Variants in INPP4B observed in about 807,000 individuals in gnomAD.
INPP4B encodes the protein inositol polyphosphate 4-phosphatase type II.
Under a neutral mutation model 122.5 loss-of-function variants are expected in INPP4B, and 55 were observed. That is an observed-to-expected ratio of 0.45 (90% CI 0.36 to 0.56). INPP4B has a LOEUF of 0.56. INPP4B is among the 20% of genes least tolerant of loss of function. The pLI is 0.00. For synonymous variants in INPP4B, 403 were observed against 388.7 expected, an observed-to-expected ratio of 1.04 and a Z score of -0.43; for missense variants, 1,000 against 1,097.7, an observed-to-expected ratio of 0.91 and a Z score of 1.26.
chr4:142,569,785 G>C (rs1323891071), intron 2 of INPP4B, among the ~76,000 whole-genome samples: 1 of 151,988 alleles, frequency 6.6e-6, no homozygotes, highest in Non-Finnish European at 1.5e-5. Flanking sequence ...TAAAACAAAG[G>C]TCCGCATGAA....
chr4:142,584,138 C>A (rs1328208535), intron 2 of INPP4B, among the ~76,000 whole-genome samples: 1 of 151,144 alleles, frequency 6.6e-6, no homozygotes. Flanking sequence ...GTTTTTTTTT[C>A]TTTTCTTTAC....
intron 2 of INPP4B, among the ~76,000 whole-genome samples, chr4:142,588,116 A>G (rs973992719): frequency 6.6e-6 from 1 of 151,930 alleles, no homozygotes; most frequent in Non-Finnish European, 1.5e-5. Flanking sequence ...TTCAACATGT[A>G]TTCAAAATAA....
At chr4:142,624,996 C>G (rs1396047686) in intron 2 of INPP4B, among the ~76,000 whole-genome samples, 1 of 150,778 alleles carries the variant, frequency 6.6e-6, no homozygotes, top group African/African-American at 2.4e-5. Context: ...ATAATAAGAG[C>G]TATCTATGAC....
intron 17 of INPP4B, among the ~76,000 whole-genome samples, chr4:142,153,374 A>G (rs1041665598): frequency 6.6e-6 from 1 of 152,174 alleles, no homozygotes; most frequent in African/African-American, 2.4e-5. Context: ...GAGTTAAAAA[A>G]CTTTCTGTTT....
intron 2 of INPP4B, among the ~76,000 whole-genome samples, chr4:142,570,925 T>G (rs1386753400): frequency 6.6e-6 from 1 of 151,912 alleles, no homozygotes; most frequent in Admixed American, 6.6e-5. Context: ...TCAGACCTTC[T>G]TTCTTATTCT....
chr4:142,041,624 A>ATAC (rs1747612897), intron 25 of INPP4B, among the ~76,000 whole-genome samples: 3 of 151,800 alleles, frequency 2.0e-5, no homozygotes, highest in Admixed American at 6.6e-5. Context: ...ATCTCAAATA[A>ATAC]TACTACTACT....
intron 5 of INPP4B, among the ~76,000 whole-genome samples, chr4:142,406,552 A>G (rs1803414986): frequency 6.6e-6 from 1 of 152,216 alleles, no homozygotes; most frequent in African/African-American, 2.4e-5. Context: ...TCGGAATGAA[A>G]CAGGCTTGGT....
chr4:142,816,219 T>C (rs77275343), intron 1 of INPP4B, among the ~76,000 whole-genome samples: 12,501 of 152,224 alleles, frequency 0.082, 943 homozygotes, highest in African/African-American at 0.2. Context: ...CTATTCTTCA[T>C]TTTTAGGGTT....
At chr4:142,768,936 G>A (rs1389106275) in intron 1 of INPP4B, among the ~76,000 whole-genome samples, 3 of 152,142 alleles carry the variant, frequency 2.0e-5, no homozygotes, top group Non-Finnish European at 4.4e-5. Flanking sequence ...ATGGAGGATC[G>A]ATTTGTAGAA....
At chr4:142,458,026 G>C (rs567837720) in intron 3 of INPP4B, among the ~76,000 whole-genome samples, 2 of 152,186 alleles carry the variant, frequency 1.3e-5, no homozygotes, top group Non-Finnish European at 2.9e-5. Context: ...GCTTTTAGTG[G>C]CTTTTAAAAA....
rs148919078 is a variant in INPP4B at position 142,661,108 on chromosome 4, T to C, written c.-191+64731A>G. ...GCCTCGTCGTCTTCCTGTGTGGACC[T>C]GGGATTCAAACGCCAGGCAGGTGTT... On this transcript the variant is annotated intron_variant, in intron 2 of 25. Coordinates refer to ENST00000262992, the MANE Select transcript of INPP4B (RefSeq NM_001101669.3). Among the ~76,000 whole-genome samples the C allele has an allele frequency of 5.2e-3, 793 of 152,284 alleles. 3 individuals carry two copies. The highest frequency in any genetic ancestry group is 0.02 in the Middle Eastern group (6 of 294).
chr4:142,648,648 G>A (rs1437210659), intron 2 of INPP4B, among the ~76,000 whole-genome samples: 1 of 152,220 alleles, frequency 6.6e-6, no homozygotes, highest in Non-Finnish European at 1.5e-5. Flanking sequence ...GGCTTGAGTA[G>A]GTAAACAAAG....
At chr4:142,169,976 T>C (rs1178995040) in intron 16 of INPP4B, among the ~76,000 whole-genome samples, 1 of 151,724 alleles carries the variant, frequency 6.6e-6, no homozygotes, top group Non-Finnish European at 1.5e-5. Context: ...GAGAGATACG[T>C]GAACACTGTC....
chr4:142,105,020 A>C (rs1303005477), intron 23 of INPP4B, among the ~76,000 whole-genome samples: 2 of 152,152 alleles, frequency 1.3e-5, no homozygotes, highest in Admixed American at 1.3e-4. Context: ...AAGATTCAGC[A>C]AAGATTTACA....
chr4:142,387,679 T>C (rs1338379383), intron 7 of INPP4B, among the ~76,000 whole-genome samples: 1 of 152,102 alleles, frequency 6.6e-6, no homozygotes, highest in East Asian at 1.9e-4. Context: ...GTTGGATGAA[T>C]GGTAAAAATC....
intron 2 of INPP4B, among the ~76,000 whole-genome samples, chr4:142,609,973 A>G (rs1253354202): frequency 3.3e-5 from 5 of 152,216 alleles, no homozygotes; most frequent in Admixed American, 6.5e-5. Flanking sequence ...GCCACTACCC[A>G]TATCTGGCTA....
At chr4:142,583,736 G>A (rs1190741180) in intron 2 of INPP4B, 1 of 152,118 alleles carries the variant, frequency 6.6e-6, no homozygotes, top group Admixed American at 6.6e-5. Context: ...ACCTACATGT[G>A]TAGAGTGGAA....
At chr4:142,827,134 C>G (rs1257769622) in intron 1 of INPP4B, among the ~76,000 whole-genome samples, 1 of 152,122 alleles carries the variant, frequency 6.6e-6, no homozygotes, top group Non-Finnish European at 1.5e-5. Context: ...TTGGTTTCAC[C>G]CCACACAGCA....
chr4:142,686,388 C>T (rs1381415161), intron 2 of INPP4B, among the ~76,000 whole-genome samples: 2 of 152,000 alleles, frequency 1.3e-5, no homozygotes, highest in Non-Finnish European at 2.9e-5. Flanking sequence ...GAAAAAAACC[C>T]AAGTTCAGGG....
Sources: allele counts gnomAD v4.1 joint callset (sites outside exome capture counted in the v4.1 genomes callset), GRCh38; gene constraint gnomAD v4.1.1; transcripts MANE v1.5; gene names NCBI Gene and HGNC (gene_info 2026-07-23, HGNC 2026-07-21).